GHR: variants seen among roughly 807,000 people sequenced by gnomAD.
GHR encodes the protein GH receptor.
GHR carries 35 observed loss-of-function variants against 67.1 expected under a neutral mutation model. That is an observed-to-expected ratio of 0.52 (90% CI 0.40 to 0.69). The LOEUF (loss-of-function observed/expected upper bound fraction) is 0.69. Among genes scored for constraint, GHR ranks in the 30% least tolerant of loss-of-function variants. GHR has a pLI of 0.00. For missense variants in GHR, 792 were observed against 764.6 expected (o/e 1.04, Z -0.42); for synonymous variants, 272 against 269.1 (o/e 1.01, Z -0.10).
chr5:42,588,905 C>T (rs1413600925), intron 2 of GHR, among the ~76,000 whole-genome samples: 7 of 152,130 alleles, frequency 4.6e-5, no homozygotes, highest in East Asian at 1.9e-4. Context: ...TATCTTTACT[C>T]GGGCCACAGT....
intron 3 of GHR, among the ~76,000 whole-genome samples, chr5:42,682,884 G>T (rs1756956711): frequency 6.6e-6 from 1 of 152,182 alleles, no homozygotes; most frequent in South Asian, 2.1e-4. Flanking sequence ...TTATAAGACT[G>T]CAATCAAAGT....
At chr5:42,504,223 A>G (rs1233490205) in intron 1 of GHR, among the ~76,000 whole-genome samples, 2 of 152,180 alleles carry the variant, frequency 1.3e-5, no homozygotes, top group South Asian at 4.1e-4. Context: ...TTGGGAAGTG[A>G]TATGACCACA....
At chr5:42,572,355 G>A (rs1271553759) in intron 2 of GHR, among the ~76,000 whole-genome samples, 1 of 152,076 alleles carries the variant, frequency 6.6e-6, no homozygotes, top group Admixed American at 6.5e-5. Context: ...AGGCAATGTG[G>A]CTCCATTTTA....
intron 1 of GHR, among the ~76,000 whole-genome samples, chr5:42,515,612 T>A (rs1345573514): frequency 6.6e-6 from 1 of 152,226 alleles, no homozygotes; most frequent in Non-Finnish European, 1.5e-5. Context: ...TTCTGTTGGA[T>A]TTAGTCTATA....
At chr5:42,487,628 T>TGG (rs10630662) in intron 1 of GHR, among the ~76,000 whole-genome samples, 24,950 of 152,086 alleles carry the variant, frequency 0.16, 2,272 homozygotes, top group Middle Eastern at 0.27. Context: ...ATTTACTCAG[T>TGG]GGGCCATATT....
chr5:42,503,731 G>A (rs1438995592), intron 1 of GHR, among the ~76,000 whole-genome samples: 1 of 152,168 alleles, frequency 6.6e-6, no homozygotes, highest in Non-Finnish European at 1.5e-5. Context: ...AGGTGGGGCA[G>A]GATCAGACCA....
intron 1 of GHR, among the ~76,000 whole-genome samples, chr5:42,499,556 A>G (rs1214670033): frequency 6.6e-6 from 1 of 152,230 alleles, no homozygotes; most frequent in South Asian, 2.1e-4. Context: ...TACCCATGAC[A>G]AAGTTGTTGT....
chr5:42,693,630 A>C (rs1757532356), intron 4 of GHR, among the ~76,000 whole-genome samples: 1 of 152,160 alleles, frequency 6.6e-6, no homozygotes, highest in Non-Finnish European at 1.5e-5. Flanking sequence ...AGAAGGAAAT[A>C]GGCGTCTTCT....
intron 3 of GHR, among the ~76,000 whole-genome samples, chr5:42,636,141 C>G (rs920262754): frequency 1.5e-5 from 2 of 132,762 alleles, no homozygotes; most frequent in African/African-American, 5.8e-5. Context: ...ACCCGGGAGG[C>G]GGAGCTTGCA....
chr5:42,711,136 A>T, intron 6 of GHR, 71 bp from the exon 7 acceptor site: 1 of 1,077,566 alleles, frequency 9.3e-7, no homozygotes. Flanking sequence ...AAATGGGAGA[A>T]TACCTGTAGT....
intron 3 of GHR, among the ~76,000 whole-genome samples, chr5:42,683,010 TA>T (rs930442520): frequency 9.2e-5 from 14 of 151,572 alleles, no homozygotes; most frequent in African/African-American, 3.4e-4. Context: ...TATTTTTATA[TA>T]TTTTTTTTTG....
At chr5:42,564,015 G>A (rs558785655) in intron 1 of GHR, among the ~76,000 whole-genome samples, 15 of 152,190 alleles carry the variant, frequency 9.9e-5, no homozygotes, top group Middle Eastern at 3.4e-3. Flanking sequence ...ATGATGAAAG[G>A]CCATCAGCTC....
chr5:42,665,528 T>C (rs932027221), intron 3 of GHR, among the ~76,000 whole-genome samples: 3 of 151,310 alleles, frequency 2.0e-5, no homozygotes, highest in South Asian at 4.2e-4. Context: ...TTCTCACTCA[T>C]AGGTGGGAAT....
chr5:42,659,279 C>T (rs1371730385), intron 3 of GHR: 1 of 152,178 alleles, frequency 6.6e-6, no homozygotes, highest in Non-Finnish European at 1.5e-5. Context: ...TGAAATCCAG[C>T]TAGCTTCAAA....
At chr5:42,520,531 G>A (rs1049733319) in intron 1 of GHR, among the ~76,000 whole-genome samples, 1 of 152,080 alleles carries the variant, frequency 6.6e-6, no homozygotes, top group African/African-American at 2.4e-5. Flanking sequence ...AATTTCTCAG[G>A]ACTGGAAAAT....
chr5:42,667,605 A>G (rs1756055530), intron 3 of GHR, among the ~76,000 whole-genome samples: 1 of 152,196 alleles, frequency 6.6e-6, no homozygotes, highest in Non-Finnish European at 1.5e-5. Flanking sequence ...AGTGATTACA[A>G]TGTGCAGCCA....
At chr5:42,474,532 T>G (rs909106612) in intron 1 of GHR, among the ~76,000 whole-genome samples, 1 of 152,066 alleles carries the variant, frequency 6.6e-6, no homozygotes, top group Non-Finnish European at 1.5e-5. Flanking sequence ...GCAGAGGTCT[T>G]TGGCCAGTTA....
intron 1 of GHR, chr5:42,465,821 T>G (rs566754585): frequency 1.3e-6 from 1 of 774,006 alleles, no homozygotes; most frequent in East Asian, 2.4e-5. Context: ...AAGACCACCA[T>G]GACCTTGAAT....
chr5:42,660,512 G>A (rs1288584630), intron 3 of GHR, among the ~76,000 whole-genome samples: 1 of 152,198 alleles, frequency 6.6e-6, no homozygotes, highest in Non-Finnish European at 1.5e-5. Context: ...GTCTGGAGTG[G>A]ACCTCTAGCA....
Sources: gnomAD v4.1 joint callset for allele counts (sites outside exome capture counted in the v4.1 genomes callset) on GRCh38, gnomAD v4.1.1 for gene constraint, MANE v1.5 for transcripts, NCBI Gene and HGNC (gene_info 2026-07-23, HGNC 2026-07-21) for gene names.